Variants in AVL9 observed in about 807,000 individuals in gnomAD.
AVL9 encodes the protein AVL9 cell migration associated.
Under a neutral mutation model 79.2 loss-of-function variants are expected in AVL9, and 49 were observed. The observed-to-expected ratio is 0.62, with a 90% CI of 0.49 to 0.79. The LOEUF (loss-of-function observed/expected upper bound fraction) is 0.79. Ranked by LOEUF, AVL9 falls within the 30% of genes least tolerant of loss-of-function variation. AVL9 has a pLI of 0.00. For missense variants in AVL9, 682 were observed against 776.8 expected (o/e 0.88, Z 1.45); for synonymous variants, 299 against 280.6 (o/e 1.07, Z -0.65).
At chr7:32,545,990 G>C (rs6951476) in intron 3 of AVL9, among the ~76,000 whole-genome samples, 97,026 of 151,084 alleles carry the variant, frequency 0.64, 31,672 homozygotes, top group Admixed American at 0.73. Flanking sequence ...TTAAAAGCTC[G>C]CCAGGTGATT....
chr7:32,495,689 G>GC lies in AVL9; in HGVS notation c.-20dup. ...TGCCCTTGGCGGTCGAAGTCGTCGT[G>GC]CGGGCCCGCGGCGGCCGCCCATGGA... On this transcript the variant is annotated 5_prime_UTR_variant, in exon 1 of 16. Transcript: ENST00000318709. 1 of 1,253,678 alleles carries GC rather than the reference G, an allele frequency of 8.0e-7. No homozygotes were observed. The highest frequency in any genetic ancestry group is 1.0e-6 in the Non-Finnish European group (1 of 989,784). 77.7% of individuals were successfully genotyped at this position (1,253,678 alleles called of 1,614,324 possible).
intron 1 of AVL9, among the ~76,000 whole-genome samples, chr7:32,503,406 A>ACACACACACACACACACACACAC (rs1424274246): frequency 2.7e-4 from 40 of 145,780 alleles, no homozygotes; most frequent in Non-Finnish European, 4.8e-4. Flanking sequence ...ACACACACAC[A>ACACACACACACACACACACACAC]AATTAGCCGG....
At chr7:32,505,566 A>G (rs1288141302) in intron 1 of AVL9, among the ~76,000 whole-genome samples, 1 of 152,154 alleles carries the variant, frequency 6.6e-6, no homozygotes, top group Non-Finnish European at 1.5e-5. Context: ...CTTTGTAGCA[A>G]ATCACAAAAC....
intron 10 of AVL9, among the ~76,000 whole-genome samples, chr7:32,567,956 A>C (rs1181733288): frequency 6.6e-6 from 1 of 151,524 alleles, no homozygotes; most frequent in Non-Finnish European, 1.5e-5. Flanking sequence ...CTGAACTCAG[A>C]TGATCTGCCC....
In AVL9 at chr7:32,584,109, G is replaced by A. The variant is rs748950001; in HGVS notation, c.*202G>A. On this transcript the variant is annotated 3_prime_UTR_variant, in exon 16 of 16. Coordinates refer to ENST00000318709, the MANE Select transcript of AVL9 (RefSeq NM_015060.3). Reference sequence around the variant, plus strand: ...AGCAGGGATGGCTTTCCAGGTTGGGGTTTCAATTGACTACTTTTATTTCAG... The same window carrying A: ...AGCAGGGATGGCTTTCCAGGTTGGGATTTCAATTGACTACTTTTATTTCAG... The A allele has an allele frequency of 1.6e-5, 10 of 615,098 alleles. No homozygotes were observed. Among genetic ancestry groups the A allele is most frequent in the Non-Finnish European group, 2.7e-5 (9 of 333,298 alleles). The allele number at this position is 615,098 out of a possible 1,614,324, so 38.1% of individuals were successfully genotyped here. A position where few individuals can be genotyped will look rare whatever the true frequency, so the allele number is the denominator to read the frequency against.
rs781243285 is a variant in AVL9, at chr7:32,558,962, A to G, written c.713A>G (p.Gln238Arg). Residue 238 changes from glutamine (Q) to arginine (R), a missense_variant, in exon 10 of 16, where the codon CAG becomes CGG. Gln to Arg is a conservative substitution (Grantham distance 43). Transcript: ENST00000318709. ...GAACATGGTCTCAGTGACTGTTCTC[A>G]GTATAGACCCCGGAAAAGTATGTCT... ...MIEHGLSDCS[Q>R]YRPRKSMSED... The G allele has an allele frequency of 6.2e-7, 1 of 1,605,110 alleles. No homozygotes were observed. Among genetic ancestry groups the G allele is most frequent in the South Asian group, 1.1e-5 (1 of 89,106 alleles).
chr7:32,542,760 G>C (rs892033422), intron 1 of AVL9, among the ~76,000 whole-genome samples: 4 of 152,054 alleles, frequency 2.6e-5, no homozygotes, highest in African/African-American at 9.7e-5. Flanking sequence ...TCAACTTGGG[G>C]CTCCTTTGTT....
chr7:32,556,696 T>C (rs911160245), intron 8 of AVL9, among the ~76,000 whole-genome samples: 3 of 152,208 alleles, frequency 2.0e-5, no homozygotes, highest in Admixed American at 6.5e-5. Flanking sequence ...TTTTAAGGTG[T>C]ACAATTCAGT....
intron 6 of AVL9, among the ~76,000 whole-genome samples, chr7:32,552,872 A>G (rs1789895373): frequency 6.6e-6 from 1 of 152,182 alleles, no homozygotes. Flanking sequence ...CTATCATAAC[A>G]GATGAAGCAA....
intron 1 of AVL9, among the ~76,000 whole-genome samples, chr7:32,540,730 A>AC (rs1789142982): frequency 6.6e-6 from 1 of 152,098 alleles, no homozygotes; most frequent in African/African-American, 2.4e-5. Context: ...GTGCCAGTGT[A>AC]CCGTACATTC....
chr7:32,506,780 G>C (rs1430063155), intron 1 of AVL9, among the ~76,000 whole-genome samples: 1 of 151,622 alleles, frequency 6.6e-6, no homozygotes, highest in African/African-American at 2.4e-5. Flanking sequence ...CTGCAGGTCA[G>C]GGGGACTATT....
chr7:32,528,882 C>T (rs569754000), intron 1 of AVL9, among the ~76,000 whole-genome samples: 45 of 151,936 alleles, frequency 3.0e-4, no homozygotes, highest in Admixed American at 7.2e-4. Flanking sequence ...TGGTGGCGGG[C>T]GCCTGTAGTC....
At chr7:32,526,080 G>A (rs919157813) in intron 1 of AVL9, among the ~76,000 whole-genome samples, 10 of 152,134 alleles carry the variant, frequency 6.6e-5, no homozygotes, top group Admixed American at 5.2e-4. Context: ...GAGAGGCCAG[G>A]CTTCTCCCCT....
intron 1 of AVL9, chr7:32,535,791 A>G (rs1788878419): frequency 1.3e-5 from 2 of 152,170 alleles, no homozygotes; most frequent in African/African-American, 4.8e-5. Flanking sequence ...ATCTTGAATT[A>G]TATTCCCCAT....
intron 10 of AVL9, among the ~76,000 whole-genome samples, chr7:32,566,818 G>C (rs1790600542): frequency 6.6e-6 from 1 of 152,174 alleles, no homozygotes. Context: ...GGGAGGCGGA[G>C]CTTGCAGTGA....
chr7:32,515,413 G>T (rs149418860), intron 1 of AVL9, among the ~76,000 whole-genome samples: 10 of 152,286 alleles, frequency 6.6e-5, no homozygotes, highest in African/African-American at 2.4e-4. Context: ...CCTCCCTCCA[G>T]AGAATCCTGA....
At chr7:32,546,812 G>C (rs1365198168) in intron 3 of AVL9, among the ~76,000 whole-genome samples, 2 of 151,956 alleles carry the variant, frequency 1.3e-5, no homozygotes, top group Non-Finnish European at 2.9e-5. Context: ...AGCAGAGCGA[G>C]ACTCCCTCAA....
chr7:32,552,001 G>C (rs1397334686), intron 5 of AVL9, among the ~76,000 whole-genome samples: 2 of 109,236 alleles, frequency 1.8e-5, no homozygotes, highest in Non-Finnish European at 3.9e-5. Context: ...GGAATACCCT[G>C]AGTAGCTTTT....
In AVL9 at chr7:32,566,180, A is replaced by ATCTTTTTTTTTTTT. The variant is rs70992731; in HGVS notation, c.1216-3839_1216-3838insCTTTTTTTTTTTTT. 1.7e-3 allele frequency among the ~76,000 whole-genome samples: 155 copies of ATCTTTTTTTTTTTT among 93,852 alleles called. 33 individuals carry two copies. The highest frequency in any genetic ancestry group is 8.3e-3 in the Middle Eastern group (1 of 120). 61.6% of individuals were successfully genotyped at this position (93,852 alleles called of 152,430 possible). A position where few individuals can be genotyped will look rare whatever the true frequency, so the allele number is the denominator to read the frequency against. On this transcript the variant is annotated intron_variant, in intron 10 of 15. Transcript: ENST00000318709. The stretch of plus-strand genomic sequence containing the variant: ...TAAAAAAATTTTAATTATTATTATT[A>ATCTTTTTTTTTTTT]TTTTTTTTTTTTGGAGACAAGGTCT...
Sources: allele counts gnomAD v4.1 joint callset (sites outside exome capture counted in the v4.1 genomes callset), GRCh38; gene constraint gnomAD v4.1.1; transcripts MANE v1.5; gene names NCBI Gene and HGNC (gene_info 2026-07-23, HGNC 2026-07-21).